The following FRS2 variants were observed in gnomAD, a reference collection of about 807,000 sequenced individuals.
The protein encoded by FRS2 is FGFR signalling adaptor.
A neutral mutation model predicts 43.9 loss-of-function variants in FRS2; 8 were observed. That is an observed-to-expected ratio of 0.18 (90% CI 0.11 to 0.33). The LOEUF (loss-of-function observed/expected upper bound fraction) is 0.33, where lower values mean the gene tolerates loss of function less well. FRS2 is among the 10% of genes least tolerant of loss of function. The pLI is 1.00. For synonymous variants in FRS2, 219 were observed against 220.3 expected (o/e 0.99, Z 0.05); for missense variants, 534 against 627.6 (o/e 0.85, Z 1.59).
intron 4 of FRS2, among the ~76,000 whole-genome samples, chr12:69,567,441 G>T (rs1026705017): frequency 2.0e-5 from 3 of 152,084 alleles, no homozygotes; most frequent in African/African-American, 7.2e-5. Flanking sequence ...AGGTCCTATA[G>T]CACCTTCTGT....
chr12:69,524,487 G>A lies in FRS2; in HGVS notation c.-260-6378G>A, dbSNP rs116634884. 9.2e-3 allele frequency among the ~76,000 whole-genome samples: 1,406 copies of A among 152,182 alleles called. 25 individuals carry two copies. The highest frequency in any genetic ancestry group is 0.031 in the African/African-American group (1,301 of 41,526). On this transcript the variant is annotated intron_variant, in intron 1 of 8. Coordinates refer to ENST00000549921, the MANE Select transcript of FRS2 (RefSeq NM_001278356.2). ...CAGTCAGGCATGGCCTGCCAGTGCA[G>A]GAGCTGTGATGCGGCCCCCAGGAGG...
intron 3 of FRS2, among the ~76,000 whole-genome samples, chr12:69,549,750 A>G (rs1422333565): frequency 6.6e-6 from 1 of 152,134 alleles, no homozygotes; most frequent in Non-Finnish European, 1.5e-5. Context: ...ATTGCTAAAT[A>G]TTTTCTTCTC....
chr12:69,543,141 A>G (rs1342177755), intron 3 of FRS2, among the ~76,000 whole-genome samples: 2 of 152,228 alleles, frequency 1.3e-5, no homozygotes, highest in Non-Finnish European at 1.5e-5. Flanking sequence ...CTTAAATTCC[A>G]TATTTTTCAT....
chr12:69,571,267 T>C lies in FRS2; in HGVS notation c.254-9T>C, dbSNP rs1565782874. 1 of 1,580,522 alleles carries C rather than the reference T, an allele frequency of 6.3e-7. No individual in the cohort carries two copies. The highest frequency in any genetic ancestry group is 8.6e-7 in the Non-Finnish European group (1 of 1,164,512). The stretch of plus-strand genomic sequence containing the variant: ...TTAACTATTTTTCCCTTTTGGTTTA[T>C]ATTTGTAGGAATCTTTGCCTTTAAG... On this transcript the variant is annotated splice_polypyrimidine_tract_variant and intron_variant, in intron 6 of 8. Transcript: ENST00000549921.
Position 69,516,316 on chromosome 12 carries a change from T to C in FRS2, c.-260-14549T>C, listed in dbSNP as rs541292362. 2.4e-4 allele frequency among the ~76,000 whole-genome samples: 37 copies of C among 152,184 alleles called. No homozygotes were observed. The Middle Eastern group carries it at 0.014, about 56-fold the overall frequency. Reference sequence around the variant, plus strand: ...TCACAGCAACCTCCGCCTCCCTGGTTCAAGCCATTCTCCCGCCTCAGCCTC... The same window carrying C: ...TCACAGCAACCTCCGCCTCCCTGGTCCAAGCCATTCTCCCGCCTCAGCCTC... On this transcript the variant is annotated intron_variant, in intron 1 of 8. Coordinates refer to ENST00000549921, the MANE Select transcript of FRS2 (RefSeq NM_001278356.2).
chr12:69,492,183 A>T (rs977692653), intron 1 of FRS2, among the ~76,000 whole-genome samples: 1 of 152,236 alleles, frequency 6.6e-6, no homozygotes, highest in African/African-American at 2.4e-5. Context: ...GATAGCCTGT[A>T]TCTTGTGAAT....
chr12:69,572,078 C>G, intron 7 of FRS2, 40 bp from the exon 8 acceptor site: 1 of 1,552,954 alleles, frequency 6.4e-7, no homozygotes, highest in Non-Finnish European at 8.9e-7. Context: ...TTCTCTCTGC[C>G]CCGCCCCCCT....
intron 3 of FRS2, among the ~76,000 whole-genome samples, chr12:69,552,262 A>G (rs1046116923): frequency 8.0e-6 from 1 of 124,468 alleles, no homozygotes; most frequent in Non-Finnish European, 1.6e-5. Flanking sequence ...AGATCATGCC[A>G]TTGCATTCCA....
chr12:69,574,549 C>T lies in FRS2; in HGVS notation c.1121C>T (p.Pro374Leu), dbSNP rs1175659684. 6.2e-7 allele frequency: 1 copy of T among 1,614,016 alleles called. No individual in the cohort carries two copies. Among genetic ancestry groups the T allele is most frequent in the Non-Finnish European group, 8.5e-7 (1 of 1,179,980 alleles). The change falls in exon 9 of 9, where the codon CCA becomes CTA. Residue 374 changes from proline to leucine, a missense_variant. This residue lies in a region of FRS2 where 446 missense variants were observed against 494.2 expected (regional missense o/e 0.90). Coordinates refer to ENST00000549921, the MANE Select transcript of FRS2 (RefSeq NM_001278356.2). ...LSRDEDDNLG[P>L]KTPSLNGYHN... is the part of the protein sequence containing the mutation. The stretch of plus-strand genomic sequence containing the variant: ...AGGGATGAAGATGACAATTTAGGAC[C>T]AAAGACCCCATCTCTAAATGGCTAC...
At chr12:69,555,683 A>ACTTGAGTGTGCACGTGTTTTGGTC (rs1212103113) in intron 3 of FRS2, among the ~76,000 whole-genome samples, 1 of 152,108 alleles carries the variant, frequency 6.6e-6, no homozygotes, top group Admixed American at 6.6e-5. Context: ...TGACTGTGGC[A>ACTTGAGTGTGCACGTGTTTTGGTC]CTTGAGTGTG....
intron 1 of FRS2, among the ~76,000 whole-genome samples, chr12:69,507,180 C>T (rs181782903): frequency 1.3e-5 from 2 of 152,270 alleles, no homozygotes; most frequent in East Asian, 3.9e-4. Context: ...AAGACACAGC[C>T]CTACTACAAC....
chr12:69,481,281 ATTT>A (rs5798935), intron 1 of FRS2, among the ~76,000 whole-genome samples: 5 of 140,846 alleles, frequency 3.5e-5, no homozygotes, highest in East Asian at 2.1e-4. Context: ...AAATTCCAGA[ATTT>A]TTTTTTTTTT....
chr12:69,502,587 A>G (rs1040786691), intron 1 of FRS2, among the ~76,000 whole-genome samples: 2 of 152,094 alleles, frequency 1.3e-5, no homozygotes, highest in African/African-American at 4.8e-5. Flanking sequence ...TTGCATGCCT[A>G]TGTGTCAGAC....
chr12:69,500,609 A>G (rs1200338414), intron 1 of FRS2, among the ~76,000 whole-genome samples: 1 of 152,206 alleles, frequency 6.6e-6, no homozygotes, highest in Non-Finnish European at 1.5e-5. Flanking sequence ...TAGCAGGCTT[A>G]TTTAATTCAA....
chr12:69,510,643 T>C (rs899366803), intron 1 of FRS2, among the ~76,000 whole-genome samples: 2 of 152,170 alleles, frequency 1.3e-5, no homozygotes, highest in South Asian at 4.1e-4. Context: ...GTGTAGTGAT[T>C]AGGCGTGTGG....
chr12:69,557,619 T>TGCGCGTGC (rs1555192505), intron 3 of FRS2, among the ~76,000 whole-genome samples: 1 of 118,966 alleles, frequency 8.4e-6, no homozygotes, highest in African/African-American at 2.8e-5. Context: ...TGTGTGTGTG[T>TGCGCGTGC]GCGCGCGCGC....
chr12:69,513,601 A>G (rs754329830), intron 1 of FRS2, among the ~76,000 whole-genome samples: 6 of 152,246 alleles, frequency 3.9e-5, no homozygotes, highest in Non-Finnish European at 8.8e-5. Flanking sequence ...CTTACTATGC[A>G]CTATTTTAAC....
At chr12:69,545,984 C>G (rs1878368389) in intron 3 of FRS2, among the ~76,000 whole-genome samples, 1 of 152,042 alleles carries the variant, frequency 6.6e-6, no homozygotes, top group Non-Finnish European at 1.5e-5. Flanking sequence ...AAGTATACAA[C>G]TCTTGTAAGG....
intron 1 of FRS2, among the ~76,000 whole-genome samples, chr12:69,514,173 C>G (rs988663754): frequency 3.3e-5 from 5 of 152,194 alleles, no homozygotes; most frequent in Admixed American, 6.5e-5. Context: ...TTGGGTAGAG[C>G]TCAGTGGCTT....
Sources: gnomAD v4.1 joint callset for allele counts (sites outside exome capture counted in the v4.1 genomes callset) on GRCh38, gnomAD v4.1.1 for gene constraint, gnomAD v4.1.1 regional missense constraint, MANE v1.5 for transcripts, NCBI Gene and HGNC (gene_info 2026-07-23, HGNC 2026-07-21) for gene names.